Variants in TTLL7 observed in about 807,000 individuals in gnomAD.
The protein encoded by TTLL7 is tubulin tyrosine ligase like 7.
TTLL7 carries 53 observed loss-of-function variants against 120.2 expected under a neutral mutation model. The ratio of observed to expected loss-of-function variants is 0.44; its 90% confidence interval spans 0.35 to 0.55. The LOEUF (loss-of-function observed/expected upper bound fraction) is 0.55. Ranked by LOEUF, TTLL7 falls within the 20% of genes least tolerant of loss-of-function variation. TTLL7 has a pLI of 0.00. For missense variants in TTLL7, 803 were observed against 1,054.7 expected (o/e 0.76, Z 3.31); for synonymous variants, 353 against 351.7 (o/e 1.00, Z -0.04).
At chr1:83,892,985 G>A (rs1322312542) in intron 18 of TTLL7, among the ~76,000 whole-genome samples, 1 of 147,550 alleles carries the variant, frequency 6.8e-6, no homozygotes, top group East Asian at 1.9e-4. Context: ...AAAAAGAGAG[G>A]GGAGGGGAGG....
intron 10 of TTLL7, among the ~76,000 whole-genome samples, chr1:83,921,764 T>C (rs1315790259): frequency 1.3e-5 from 2 of 152,138 alleles, no homozygotes; most frequent in Non-Finnish European, 2.9e-5. Flanking sequence ...GTTTCCTCCT[T>C]GAGTTCTTAT....
chr1:83,970,700 G>A (rs931077267), intron 1 of TTLL7, among the ~76,000 whole-genome samples: 1 of 152,088 alleles, frequency 6.6e-6, no homozygotes, highest in Non-Finnish European at 1.5e-5. Flanking sequence ...CTCTTAGTTT[G>A]AGGCCCCCAG....
chr1:83,928,084 A>G (rs2100811569), intron 10 of TTLL7, among the ~76,000 whole-genome samples: 1 of 152,306 alleles, frequency 6.6e-6, no homozygotes, highest in Non-Finnish European at 1.5e-5. Context: ...CACTTTTAAA[A>G]ACACCAGAAC....
intron 1 of TTLL7, among the ~76,000 whole-genome samples, chr1:83,960,314 G>T (rs1649899923): frequency 6.6e-6 from 1 of 152,096 alleles, no homozygotes; most frequent in Non-Finnish European, 1.5e-5. Flanking sequence ...TTATTGTGGG[G>T]GCAGTAGTGG....
Position 83,916,844 on chromosome 1 carries a change from C to T in TTLL7, c.1587+760G>A, listed in dbSNP as rs187327468. On this transcript the variant is annotated intron_variant, in intron 14 of 20. Transcript: ENST00000260505. ...GTGGCTCATGCCTATAATCCCAGCA[C>T]TTTGGTAGGCCAAGGCAGGAGGATC... 5.9e-4 allele frequency among the ~76,000 whole-genome samples: 90 copies of T among 152,220 alleles called. No homozygotes were observed. In the East Asian group the frequency reaches 0.016, roughly 28 times the overall value.
intron 7 of TTLL7, among the ~76,000 whole-genome samples, chr1:83,940,445 C>T (rs1647847590): frequency 6.6e-6 from 1 of 152,152 alleles, no homozygotes; most frequent in African/African-American, 2.4e-5. Flanking sequence ...AGAACAGATA[C>T]ATTTGGAGGT....
rs1278002410 is a variant in TTLL7 at position 83,868,775 on chromosome 1, A to G, written c.*1187T>C. On this transcript the variant is annotated 3_prime_UTR_variant, in exon 21 of 21. Coordinates refer to ENST00000260505, the MANE Select transcript of TTLL7 (RefSeq NM_024686.6). ...CACATGTTAAACCCATCAAAGATAT[A>G]CTTTCCAAATAAAAATGAGTGGTAT... 2 of 152,102 alleles carry G rather than the reference A, an allele frequency of 1.3e-5. No homozygotes were observed. Among genetic ancestry groups the G allele is most frequent in the East Asian group, 3.8e-4 (2 of 5,198 alleles). 9.4% of individuals were successfully genotyped at this position (152,102 alleles called of 1,614,324 possible).
intron 7 of TTLL7, among the ~76,000 whole-genome samples, chr1:83,942,140 G>A (rs910342680): frequency 6.6e-6 from 1 of 152,092 alleles, no homozygotes; most frequent in Non-Finnish European, 1.5e-5. Context: ...TCCATTGCAT[G>A]TTAGTATTAT....
intron 1 of TTLL7, among the ~76,000 whole-genome samples, chr1:83,970,047 A>G (rs1455843346): frequency 6.6e-6 from 1 of 152,034 alleles, no homozygotes; most frequent in Non-Finnish European, 1.5e-5. Flanking sequence ...GTTTTAAAGC[A>G]ATGATGAAAA....
At chr1:83,967,456 G>T (rs1194429345) in intron 1 of TTLL7, among the ~76,000 whole-genome samples, 1 of 152,068 alleles carries the variant, frequency 6.6e-6, no homozygotes, top group African/African-American at 2.4e-5. Context: ...TGCTTTGACT[G>T]GGAAGGATTA....
chr1:83,906,365 T>C lies in TTLL7; in HGVS notation c.2091A>G (p.Gly697=), dbSNP rs763689488. Residue 697 remains glycine, a synonymous_variant, in exon 17 of 21, where the codon GGA becomes GGG. Coordinates refer to ENST00000260505, the MANE Select transcript of TTLL7 (RefSeq NM_024686.6). ...VLKDMKIRFP[G]KSDAESELLI... is the part of the protein sequence containing the mutation. ...GAAGTTCTGATTCTGCATCTGACTTTCCTGGAAACCGGATCTTCATGTCTT... is the reference window on the plus strand; with the variant it reads ...GAAGTTCTGATTCTGCATCTGACTTCCCTGGAAACCGGATCTTCATGTCTT... 1.9e-6 allele frequency: 3 copies of C among 1,612,528 alleles called. No homozygotes were observed. The highest frequency in any genetic ancestry group is 2.2e-5 in the South Asian group (2 of 90,982).
chr1:83,892,678 A>G (rs971257474), intron 18 of TTLL7, among the ~76,000 whole-genome samples: 5 of 142,058 alleles, frequency 3.5e-5, no homozygotes, highest in African/African-American at 1.0e-4. Context: ...ATATGAACAT[A>G]TGAACATATA....
At chr1:83,943,639 A>G (rs1170753186) in intron 6 of TTLL7, among the ~76,000 whole-genome samples, 3 of 152,246 alleles carry the variant, frequency 2.0e-5, no homozygotes, top group Non-Finnish European at 2.9e-5. Context: ...TACAACTACT[A>G]CAATGAGCTG....
intron 9 of TTLL7, among the ~76,000 whole-genome samples, chr1:83,930,693 A>G (rs1659522239): frequency 6.6e-6 from 1 of 152,166 alleles, no homozygotes; most frequent in African/African-American, 2.4e-5. Flanking sequence ...ACCAGACATT[A>G]AAGAACTGAT....
At chr1:83,958,633 A>G (rs986648942) in intron 1 of TTLL7, among the ~76,000 whole-genome samples, 4 of 152,230 alleles carry the variant, frequency 2.6e-5, no homozygotes, top group Non-Finnish European at 4.4e-5. Flanking sequence ...TTGGTTCCCA[A>G]ACCAAATTTG....
chr1:83,937,353 C>G (rs1229505347), intron 8 of TTLL7, among the ~76,000 whole-genome samples: 1 of 152,024 alleles, frequency 6.6e-6, no homozygotes, highest in Non-Finnish European at 1.5e-5. Flanking sequence ...AGGAGCGCGC[C>G]ACCACATCCG....
intron 7 of TTLL7, among the ~76,000 whole-genome samples, chr1:83,939,635 C>T (rs151294064): frequency 8.5e-5 from 13 of 152,206 alleles, no homozygotes; most frequent in Non-Finnish European, 1.5e-4. Context: ...AGCGTGTAGG[C>T]TTGATATAAT....
At chr1:83,918,420 T>G (rs1410445243) in intron 13 of TTLL7, among the ~76,000 whole-genome samples, 1 of 152,130 alleles carries the variant, frequency 6.6e-6, no homozygotes, top group Non-Finnish European at 1.5e-5. Flanking sequence ...AACTGTATCA[T>G]TTAGTTATTT....
intron 1 of TTLL7, among the ~76,000 whole-genome samples, chr1:83,998,454 G>T (rs1291651096): frequency 1.3e-5 from 2 of 152,248 alleles, no homozygotes; most frequent in African/African-American, 4.8e-5. Context: ...AGAGCAAGAT[G>T]TGGAGAAAGT....
Sources: gnomAD v4.1 joint callset for allele counts (sites outside exome capture counted in the v4.1 genomes callset) on GRCh38, gnomAD v4.1.1 for gene constraint, MANE v1.5 for transcripts, NCBI Gene and HGNC (gene_info 2026-07-23, HGNC 2026-07-21) for gene names.